Variants in LRRC3C observed in about 807,000 individuals in gnomAD.
LRRC3C encodes leucine rich repeat containing 3C.
Under a neutral mutation model 14.8 loss-of-function variants are expected in LRRC3C, and 11 were observed. The observed-to-expected ratio is 0.74, with a 90% CI of 0.47 to 1.23. The LOEUF is 1.23. Ranked by LOEUF, LRRC3C falls within the 50% of genes most tolerant of loss-of-function variation. The pLI is 0.00. For synonymous variants in LRRC3C, 149 were observed against 161.5 expected, an observed-to-expected ratio of 0.92 and a Z score of 0.59; for missense variants, 354 against 361.8, an observed-to-expected ratio of 0.98 and a Z score of 0.18.
intron 1 of LRRC3C, chr17:39,929,216 C>G (rs141887710): frequency 2.6e-5 from 4 of 152,284 alleles, no homozygotes; most frequent in East Asian, 1.9e-4. Context: ...TCAAGTTGAT[C>G]GATCCCTCTG....
chr17:39,928,405 G>A (rs1978550006), intron 1 of LRRC3C, among the ~76,000 whole-genome samples: 2 of 152,178 alleles, frequency 1.3e-5, no homozygotes, highest in African/African-American at 4.8e-5. Flanking sequence ...TGTGACCCTG[G>A]GCAAATTACT....
intron 2 of LRRC3C, among the ~76,000 whole-genome samples, chr17:39,938,222 G>A (rs1978850946): frequency 6.6e-6 from 1 of 152,206 alleles, no homozygotes; most frequent in African/African-American, 2.4e-5. Context: ...ATACCAGTGT[G>A]CAGCCAAGTT....
rs1979008614 is a variant in LRRC3C, at chr17:39,944,030, G to C, written c.124G>C (p.Val42Leu). 2.6e-6 allele frequency: 4 copies of C among 1,536,140 alleles called. No homozygotes were observed. Among genetic ancestry groups the C allele is most frequent in the Non-Finnish European group, 3.5e-6 (4 of 1,146,904 alleles). The change falls in exon 4 of 4, where the codon GTG becomes CTG. Residue 42 changes from valine (V) to leucine (L), a missense_variant. By Grantham distance (32) the Val-to-Leu change is conservative. Transcript: ENST00000377924. Reference protein sequence around the residue: ...LLLVIGTGGTVPSPQVPPRGC... With the variant: ...LLLVIGTGGTLPSPQVPPRGC... ...GCTGGTGATAGGCACAGGGGGTACT[G>C]TGCCCAGCCCCCAGGTGCCTCCCCG...
intron 1 of LRRC3C, among the ~76,000 whole-genome samples, chr17:39,934,368 C>CT (rs1978739443): frequency 6.6e-6 from 1 of 152,126 alleles, no homozygotes; most frequent in East Asian, 1.9e-4. Flanking sequence ...ACAAGACCCC[C>CT]TAGCTCCCTA....
intron 1 of LRRC3C, among the ~76,000 whole-genome samples, chr17:39,934,882 C>CT (rs1208958777): frequency 6.6e-6 from 1 of 152,164 alleles, no homozygotes. Context: ...TCGTGCTCCC[C>CT]TTTTTAGACC....
intron 1 of LRRC3C, among the ~76,000 whole-genome samples, chr17:39,929,845 A>G (rs1978597315): frequency 6.6e-6 from 1 of 152,236 alleles, no homozygotes; most frequent in Admixed American, 6.5e-5. Context: ...CATTTAGGAC[A>G]GATTGTGAAA....
At chr17:39,938,775 C>A (rs943207946) in intron 2 of LRRC3C, among the ~76,000 whole-genome samples, 1 of 152,090 alleles carries the variant, frequency 6.6e-6, no homozygotes. Context: ...CACCTGAGGT[C>A]AGGCGTTCAA....
chr17:39,933,458 G>T (rs1445810821), intron 1 of LRRC3C, among the ~76,000 whole-genome samples: 2 of 152,166 alleles, frequency 1.3e-5, no homozygotes, highest in East Asian at 1.9e-4. Context: ...CCTCGAGCTG[G>T]GTGCGATGGC....
chr17:39,933,605 C>G (rs1290463434), intron 1 of LRRC3C, among the ~76,000 whole-genome samples: 1 of 151,992 alleles, frequency 6.6e-6, no homozygotes, highest in Non-Finnish European at 1.5e-5. Context: ...TGGTGGCGGG[C>G]GCCTGTAATC....
chr17:39,939,415 A>G (rs1047506910), intron 2 of LRRC3C: 2 of 985,302 alleles, frequency 2.0e-6, no homozygotes, highest in Non-Finnish European at 2.4e-6. Context: ...CCTCCAGACC[A>G]TCAATTCTCA....
chr17:39,941,615 T>C, intron 3 of LRRC3C, 66 bp downstream of exon 3: 1 of 1,439,242 alleles, frequency 6.9e-7, no homozygotes, highest in Non-Finnish European at 9.4e-7. Context: ...CTCTCTGACC[T>C]GGCAGGAGGG....
intron 1 of LRRC3C, among the ~76,000 whole-genome samples, chr17:39,930,680 G>A (rs546970828): frequency 3.5e-4 from 42 of 119,696 alleles, no homozygotes; most frequent in Admixed American, 3.2e-3. Context: ...TGGCACTCCA[G>A]CCTGGGTGAC....
chr17:39,932,286 C>T (rs1037608690), intron 1 of LRRC3C, among the ~76,000 whole-genome samples: 3 of 152,186 alleles, frequency 2.0e-5, no homozygotes, highest in Admixed American at 6.5e-5. Flanking sequence ...TGAAATGAAA[C>T]ACTCAAAACA....
At chr17:39,941,360 A>C in intron 2 of LRRC3C, 83 bp from the exon 3 acceptor site, 1 of 486,762 alleles carries the variant, frequency 2.1e-6, no homozygotes, top group Non-Finnish European at 3.7e-6. Flanking sequence ...AAAAAAAAAA[A>C]AAAAAAAAAA....
Position 39,944,018 on chromosome 17 carries a change from A to G in LRRC3C, c.112A>G (p.Thr38Ala), listed in dbSNP as rs957358033. ...CCTGCCCCTCCTGCTGGTGATAGGC[A>G]CAGGGGGTACTGTGCCCAGCCCCCA... The part of the protein sequence containing the change: ...HLLPLLLVIG[T>A]GGTVPSPQVP... Residue 38 changes from threonine to alanine, a missense_variant, in exon 4 of 4, where the codon ACA (threonine) becomes GCA (alanine). Thr to Ala is a moderately conservative substitution (Grantham distance 58). Transcript: ENST00000377924. 6.5e-7 allele frequency: 1 copy of G among 1,535,854 alleles called. No individual in the cohort carries two copies. Among genetic ancestry groups the G allele is most frequent in the Non-Finnish European group, 8.7e-7 (1 of 1,146,834 alleles).
intron 1 of LRRC3C, among the ~76,000 whole-genome samples, chr17:39,931,439 T>G (rs1345134019): frequency 9.1e-6 from 1 of 109,620 alleles, no homozygotes; most frequent in African/African-American, 3.6e-5. Flanking sequence ...GAGAGAGACT[T>G]CGTCTCAAAA....
At chr17:39,930,709 A>AT in intron 1 of LRRC3C, among the ~76,000 whole-genome samples, 1 of 13,120 alleles carries the variant, frequency 7.6e-5, no homozygotes, top group East Asian at 1.8e-3. Flanking sequence ...GCTCTGTCTC[A>AT]AAAAAAAAAA....
Position 39,944,298 on chromosome 17 carries a change from G to A in LRRC3C, c.392G>A (p.Arg131His), listed in dbSNP as rs547166439. 1.8e-4 allele frequency: 280 copies of A among 1,535,350 alleles called. No homozygotes were observed. In the African/African-American group the frequency reaches 3.1e-3, roughly 17 times the overall value. ...AAFQGLEGTL[R>H]HLDLSANQLA... ...TTCCAGGGCCTGGAGGGCACATTGC[G>A]CCACCTCGACCTCTCTGCCAACCAG... is the stretch of plus-strand genomic sequence containing the variant. The change falls in exon 4 of 4, where the codon CGC (arginine) becomes CAC (histidine). Residue 131 changes from arginine (R) to histidine (H), a missense_variant. Coordinates refer to ENST00000377924, the MANE Select transcript of LRRC3C (RefSeq NM_001195545.2).
chr17:39,935,640 C>T (rs181592247), intron 1 of LRRC3C, among the ~76,000 whole-genome samples, 162 bp from the exon 2 acceptor site: 93 of 152,160 alleles, frequency 6.1e-4, no homozygotes, highest in African/African-American at 2.0e-3. Flanking sequence ...GATGACAGAA[C>T]GAGACCTGTC....
Sources: gnomAD v4.1 joint callset for allele counts (sites outside exome capture counted in the v4.1 genomes callset) on GRCh38, gnomAD v4.1.1 for gene constraint, MANE v1.5 for transcripts, NCBI Gene and HGNC (gene_info 2026-07-23, HGNC 2026-07-21) for gene names.